KIAA0930: variants seen among roughly 807,000 people sequenced by gnomAD.
The protein encoded by KIAA0930 is KIAA0930, also known as uncharacterized protein KIAA0930.
KIAA0930 carries 24 observed loss-of-function variants against 43.9 expected under a neutral mutation model. That is an observed-to-expected ratio of 0.55 (90% confidence interval 0.40 to 0.77). The LOEUF is 0.77. KIAA0930 is among the 30% of genes least tolerant of loss of function. The pLI is 0.00. For missense variants in KIAA0930, 461 were observed against 574.2 expected (o/e 0.80, Z 2.02); for synonymous variants, 259 against 216.4 (o/e 1.20, Z -1.73).
chr22:45,202,429 T>C (rs1182767167), intron 7 of KIAA0930: 1 of 152,910 alleles, frequency 6.5e-6, no homozygotes, highest in Non-Finnish European at 1.5e-5. Context: ...GCAAGTCTGG[T>C]TTCCGGCTGT....
At chr22:45,212,305 G>T (rs376513333) in intron 1 of KIAA0930, 198 bp from the exon 2 acceptor site, 178 of 1,612,798 alleles carry the variant, frequency 1.1e-4, no homozygotes, top group Admixed American at 1.5e-4. Context: ...CCTCCCAGGA[G>T]GCCCAGTTCC....
intron 7 of KIAA0930, among the ~76,000 whole-genome samples, chr22:45,202,345 G>A (rs1029284673): frequency 3.9e-5 from 6 of 152,254 alleles, no homozygotes; most frequent in African/African-American, 1.4e-4. Flanking sequence ...CCCTGGGGAA[G>A]GAGAGTGGCC....
intron 2 of KIAA0930, among the ~76,000 whole-genome samples, chr22:45,209,510 T>C (rs577902482): frequency 3.7e-4 from 57 of 152,220 alleles, no homozygotes; most frequent in African/African-American, 1.3e-3. Flanking sequence ...ACCCTCCCAC[T>C]CTGCACTCAC....
intron 1 of KIAA0930, among the ~76,000 whole-genome samples, chr22:45,218,333 A>ATTTTTTTTTTTTTT (rs752298111): frequency 5.8e-5 from 3 of 51,706 alleles, no homozygotes; most frequent in Admixed American, 5.8e-4. Flanking sequence ...AATTTTTTTG[A>ATTTTTTTTTTTTTT]TTTTTTTTTT....
intron 7 of KIAA0930, among the ~76,000 whole-genome samples, chr22:45,200,705 G>A (rs2083580159): frequency 6.6e-6 from 1 of 152,238 alleles, no homozygotes; most frequent in African/African-American, 2.4e-5. Flanking sequence ...TCAGGGCCAG[G>A]CAGGCACAGC....
intron 1 of KIAA0930, among the ~76,000 whole-genome samples, chr22:45,224,659 G>A (rs559757496): frequency 6.6e-6 from 1 of 152,336 alleles, no homozygotes; most frequent in East Asian, 1.9e-4. Context: ...GATGGTAGCT[G>A]TGGCAGGCAC....
rs1219492200 is a variant in KIAA0930, at chr22:45,192,473, A to G, written c.*4703T>C. ...CAGCATCGTGTTTTTGCTAAAATACATGTTGTAGAAGTCATAATTCATAGT... is the reference window on the plus strand; with the variant it reads ...CAGCATCGTGTTTTTGCTAAAATACGTGTTGTAGAAGTCATAATTCATAGT... On this transcript the variant is annotated 3_prime_UTR_variant, in exon 10 of 10. Transcript: ENST00000336156. 6.6e-6 allele frequency: 1 copy of G among 152,264 alleles called. No homozygotes were observed. Among genetic ancestry groups the G allele is most frequent in the East Asian group, 1.9e-4 (1 of 5,206 alleles). 9.4% of individuals were successfully genotyped at this position (152,264 alleles called of 1,614,324 possible).
intron 1 of KIAA0930, among the ~76,000 whole-genome samples, chr22:45,228,460 C>T (rs2083816679): frequency 6.6e-6 from 1 of 152,150 alleles, no homozygotes; most frequent in South Asian, 2.1e-4. Context: ...TAGGTCTGAC[C>T]CTCGCTCCTT....
rs1290529155 is a variant in KIAA0930 at position 45,205,908 on chromosome 22, G to C, written c.221C>G (p.Ala74Gly). 2 of 1,612,920 alleles carry C rather than the reference G, an allele frequency of 1.2e-6. No individual in the cohort carries two copies. The highest frequency in any genetic ancestry group is 2.7e-5 in the African/African-American group (2 of 74,916). Residue 74 changes from alanine (A) to glycine (G), a missense_variant, in exon 3 of 10, where the codon GCT becomes GGT. Coordinates refer to ENST00000336156, the MANE Select transcript of KIAA0930 (RefSeq NM_001009880.2). ...SESGADGRKA[A>G]EPEVEVEVYR... Reference sequence around the variant, plus strand: ...CACCTCCACCTCCACCTCAGGCTCAGCTGCCTGCGAGGCCCAGAGCAGAAG... The same window carrying C: ...CACCTCCACCTCCACCTCAGGCTCACCTGCCTGCGAGGCCCAGAGCAGAAG...
At chr22:45,227,139 G>A (rs1569083048) in intron 1 of KIAA0930, among the ~76,000 whole-genome samples, 1 of 152,210 alleles carries the variant, frequency 6.6e-6, no homozygotes, top group African/African-American at 2.4e-5. Context: ...CCCGGCCCAC[G>A]GCAGGTGCTC....
chr22:45,212,385 G>C (rs1159644026), intron 1 of KIAA0930: 5 of 1,583,196 alleles, frequency 3.2e-6, no homozygotes, highest in Non-Finnish European at 3.4e-6. Context: ...GCCTGGGGAT[G>C]AATCAGCAGC....
intron 1 of KIAA0930, among the ~76,000 whole-genome samples, chr22:45,220,015 A>G (rs1026867628): frequency 3.3e-5 from 5 of 152,094 alleles, no homozygotes; most frequent in African/African-American, 1.2e-4. Context: ...GAGGCACAGT[A>G]TTGATTTCGA....
chr22:45,225,818 G>A (rs76429743), intron 1 of KIAA0930, among the ~76,000 whole-genome samples: 33 of 152,356 alleles, frequency 2.2e-4, no homozygotes, highest in African/African-American at 6.3e-4. Context: ...TGCCTCACTT[G>A]ATCTTCACAA....
At chr22:45,213,505 G>T (rs557765464) in intron 1 of KIAA0930, 3 of 1,187,674 alleles carry the variant, frequency 2.5e-6, no homozygotes, top group Middle Eastern at 3.4e-4. Context: ...CGAAACACGC[G>T]TGCTGTCTGC....
At chr22:45,212,192 CCCA>C in intron 1 of KIAA0930, 85 bp from the exon 2 acceptor site, 1 of 1,613,218 alleles carries the variant, frequency 6.2e-7, no homozygotes. Flanking sequence ...CGCCCATACC[CCCA>C]CATTTCTGGC....
intron 1 of KIAA0930, among the ~76,000 whole-genome samples, chr22:45,217,567 C>G (rs533856662): frequency 6.6e-6 from 1 of 152,104 alleles, no homozygotes; most frequent in South Asian, 2.1e-4. Context: ...TGACAAAAAG[C>G]ACAAAAAATG....
intron 1 of KIAA0930, among the ~76,000 whole-genome samples, chr22:45,223,822 G>C (rs1380970786): frequency 7.0e-6 from 1 of 142,748 alleles, no homozygotes; most frequent in Non-Finnish European, 1.5e-5. Context: ...ATCAGCACCA[G>C]ATGAGCACCC....
chr22:45,221,300 G>C (rs2083766101), intron 1 of KIAA0930, among the ~76,000 whole-genome samples: 1 of 152,234 alleles, frequency 6.6e-6, no homozygotes, highest in Non-Finnish European at 1.5e-5. Context: ...AATATCTTCA[G>C]CTTTGCAGAC....
chr22:45,202,494 G>C (rs564797894), intron 7 of KIAA0930: 3 of 153,480 alleles, frequency 2.0e-5, no homozygotes, highest in East Asian at 3.8e-4. Flanking sequence ...GCGGGGCAAA[G>C]AGCTGGGTGG....
Sources: allele counts gnomAD v4.1 joint callset (sites outside exome capture counted in the v4.1 genomes callset), GRCh38; gene constraint gnomAD v4.1.1; transcripts MANE v1.5; gene names NCBI Gene and HGNC (gene_info 2026-07-23, HGNC 2026-07-21).